The following KCNG2 variants were observed in gnomAD, a reference collection of about 807,000 sequenced individuals.
KCNG2 encodes the protein voltage-gated potassium channel regulatory subunit KCNG2.
A neutral mutation model predicts 12.3 loss-of-function variants in KCNG2; 7 were observed. The ratio of observed to expected loss-of-function variants is 0.57; its 90% confidence interval spans 0.32 to 1.07. KCNG2 has a LOEUF of 1.07. Ranked by LOEUF, KCNG2 falls within the 50% of genes least tolerant of loss-of-function variation. The pLI, the probability that KCNG2 is intolerant of heterozygous loss-of-function variation, is 0.04. For synonymous variants in KCNG2, 414 were observed against 351.4 expected, an observed-to-expected ratio of 1.18 and a Z score of -1.99; for missense variants, 703 against 726.0, an observed-to-expected ratio of 0.97 and a Z score of 0.36.
intron 1 of KCNG2, among the ~76,000 whole-genome samples, chr18:79,820,306 C>T (rs2087561552): frequency 6.6e-6 from 1 of 152,206 alleles, no homozygotes; most frequent in Admixed American, 6.5e-5. Flanking sequence ...GTTTTCACTT[C>T]CTCCAGGCAT....
At chr18:79,868,457 G>A (rs910025315) in intron 3 of KCNG2, among the ~76,000 whole-genome samples, 9 of 152,254 alleles carry the variant, frequency 5.9e-5, no homozygotes, top group African/African-American at 2.2e-4. Context: ...GTGTCCGAGC[G>A]TTGCAGCTGC....
rs925151728 is a variant in KCNG2, at chr18:79,800,173, G to C, written c.-115+2159G>C. 6.6e-6 allele frequency among the ~76,000 whole-genome samples: 1 copy of C among 152,134 alleles called. No individual in the cohort carries two copies. The highest frequency in any genetic ancestry group is 1.5e-5 in the Non-Finnish European group (1 of 68,014). On this transcript the variant is annotated intron_variant, in intron 1 of 3. Coordinates refer to ENST00000316249, the MANE Select transcript of KCNG2 (RefSeq NM_012283.2). This position sits in a 1 kb window ranked among gnomAD's most constrained non-coding sequence, Gnocchi z 4.0. ...GGGGCGGGAGTGAAGGGAGCAGATG[G>C]GGCTGTGCCGACAGGCATGAGCTCT...
At chr18:79,889,394 T>C (rs1455181802) in intron 3 of KCNG2, among the ~76,000 whole-genome samples, 1 of 152,232 alleles carries the variant, frequency 6.6e-6, no homozygotes, top group Non-Finnish European at 1.5e-5. Flanking sequence ...TGATAACAAA[T>C]TGTTCTTTCT....
In KCNG2 at chr18:79,807,687, G is replaced by C. The variant is rs141249769; in HGVS notation, c.-115+9673G>C. On this transcript the variant is annotated intron_variant, in intron 1 of 3. Transcript: ENST00000316249. The stretch of plus-strand genomic sequence containing the variant: ...GCTGTGAAGCCCCCACCTCAGCCTC[G>C]GCCCCAGAGTCCGCACTCTGAGAAG... Among the ~76,000 whole-genome samples the C allele has an allele frequency of 5.3e-3, 814 of 152,310 alleles. 6 individuals carry two copies. The highest frequency in any genetic ancestry group is 7.0e-3 in the Non-Finnish European group (473 of 68,026).
Position 79,798,034 on chromosome 18 carries a change from G to A in KCNG2, c.-115+20G>A, listed in dbSNP as rs1011320714. 2.0e-5 allele frequency among the ~76,000 whole-genome samples: 3 copies of A among 150,858 alleles called. No individual in the cohort carries two copies. The highest frequency in any genetic ancestry group is 3.0e-5 in the Non-Finnish European group (2 of 67,366). ...CCGCAGGTAAAGTTGAGCGCGCCGT[G>A]GGGCCGGGGGTGGGGGGTCCGCGGC... On this transcript the variant is annotated intron_variant, in intron 1 of 3. Transcript: ENST00000316249.
intron 1 of KCNG2, among the ~76,000 whole-genome samples, chr18:79,809,543 G>A (rs1244112938): frequency 9.9e-6 from 1 of 100,766 alleles, no homozygotes; most frequent in Non-Finnish European, 2.1e-5. Context: ...CACACTCCAC[G>A]TTACCGGCCC....
chr18:79,814,127 G>C (rs2087511537), intron 1 of KCNG2, among the ~76,000 whole-genome samples: 1 of 152,192 alleles, frequency 6.6e-6, no homozygotes, highest in African/African-American at 2.4e-5. Flanking sequence ...AAGATGCAGA[G>C]AAATGACCTT....
At chr18:79,862,089 T>G (rs1979242682) in intron 2 of KCNG2, among the ~76,000 whole-genome samples, 2 of 152,226 alleles carry the variant, frequency 1.3e-5, no homozygotes, top group African/African-American at 4.8e-5. Context: ...ATGTGAAATC[T>G]TTTCTGGTGA....
intron 3 of KCNG2, among the ~76,000 whole-genome samples, chr18:79,872,420 G>T (rs1003113964): frequency 6.6e-6 from 1 of 151,454 alleles, no homozygotes; most frequent in Admixed American, 6.6e-5. Flanking sequence ...CGAGTAGCTG[G>T]GATTACAGAT....
At chr18:79,865,892 G>T (rs1979498404) in intron 3 of KCNG2, among the ~76,000 whole-genome samples, 1 of 65,024 alleles carries the variant, frequency 1.5e-5, no homozygotes. Flanking sequence ...GTGCTGAGAA[G>T]TCTGTGCTGA....
intron 2 of KCNG2, among the ~76,000 whole-genome samples, chr18:79,858,142 A>G (rs1477853364): frequency 1.3e-5 from 2 of 152,046 alleles, no homozygotes; most frequent in Non-Finnish European, 2.9e-5. Flanking sequence ...CTGGGACTAC[A>G]GGCGCCCGCC....
chr18:79,839,793 T>C (rs925031671), intron 1 of KCNG2, among the ~76,000 whole-genome samples: 2 of 152,168 alleles, frequency 1.3e-5, no homozygotes, highest in African/African-American at 4.8e-5. Context: ...CATGGCCAAG[T>C]GGAGAGTTTA....
At chr18:79,895,879 G>A (rs1273096242) in intron 3 of KCNG2, among the ~76,000 whole-genome samples, 4 of 152,214 alleles carry the variant, frequency 2.6e-5, no homozygotes, top group Non-Finnish European at 1.5e-5. Flanking sequence ...CACGGAGCAC[G>A]TTGTTTCTGT....
At chr18:79,893,099 T>C (rs1319547104) in intron 3 of KCNG2, among the ~76,000 whole-genome samples, 2 of 152,160 alleles carry the variant, frequency 1.3e-5, no homozygotes, top group Non-Finnish European at 2.9e-5. Context: ...AATATTATGA[T>C]TCATATAGTT....
intron 1 of KCNG2, chr18:79,815,996 G>C (rs904884917): frequency 2.6e-5 from 4 of 152,220 alleles, no homozygotes; most frequent in Non-Finnish European, 5.9e-5. Flanking sequence ...TCTGGTGGTG[G>C]GATTGGGTAT....
At position 79,798,496 on chromosome 18, in the gene KCNG2, C is replaced by T. The variant is rs868554376; in HGVS notation, c.-115+482C>T. On this transcript the variant is annotated intron_variant, in intron 1 of 3. Transcript: ENST00000316249. The stretch of plus-strand genomic sequence containing the variant: ...GCACCCGGCTCGCGCGGAGAGCGGG[C>T]GGGGTGTGGGCGAATGCTCGGCGCG... Among the ~76,000 whole-genome samples the T allele has an allele frequency of 7.9e-5, 12 of 152,320 alleles. No individual in the cohort carries two copies. The East Asian group carries it at 1.9e-3, about 25-fold the overall frequency.
intron 1 of KCNG2, among the ~76,000 whole-genome samples, chr18:79,830,751 C>T (rs189302717): frequency 4.7e-5 from 7 of 147,410 alleles, no homozygotes; most frequent in Non-Finnish European, 9.0e-5. Context: ...GGAGGGTTCC[C>T]TGCGGACAGA....
chr18:79,820,503 G>A (rs2087562659), intron 1 of KCNG2, among the ~76,000 whole-genome samples: 1 of 152,208 alleles, frequency 6.6e-6, no homozygotes, highest in African/African-American at 2.4e-5. Context: ...CAGATGTGAA[G>A]CGATAGCTCA....
intron 3 of KCNG2, among the ~76,000 whole-genome samples, chr18:79,877,307 G>A (rs1980112906): frequency 6.6e-6 from 1 of 152,174 alleles, no homozygotes; most frequent in Non-Finnish European, 1.5e-5. Context: ...CTGCTGGTGA[G>A]GCTGGGTCCC....
Sources: gnomAD v4.1 joint callset for allele counts (sites outside exome capture counted in the v4.1 genomes callset) on GRCh38, gnomAD v4.1.1 for gene constraint, Gnocchi (gnomAD v3.1) non-coding constraint, MANE v1.5 for transcripts, NCBI Gene and HGNC (gene_info 2026-07-23, HGNC 2026-07-21) for gene names.